ANKS1A: variants seen among roughly 807,000 people sequenced by gnomAD.
ANKS1A encodes ankyrin repeat and sterile alpha motif domain containing 1A, also known as ankyrin repeat and SAM domain-containing protein 1A.
In ANKS1A, 55 loss-of-function variants were observed where a neutral mutation model predicts 120.3. The ratio of observed to expected loss-of-function variants is 0.46; its 90% CI spans 0.37 to 0.57. ANKS1A has a LOEUF of 0.57. Ranked by LOEUF, ANKS1A falls within the 20% of genes least tolerant of loss-of-function variation. The pLI, the probability that ANKS1A is intolerant of heterozygous loss-of-function variation, is 0.00. For missense variants in ANKS1A, 1,123 were observed against 1,480.3 expected (o/e 0.76, Z 3.96); for synonymous variants, 590 against 604.7 (o/e 0.98, Z 0.36).
intron 5 of ANKS1A, 111 bp from the exon 6 acceptor site, chr6:34,983,002 T>G: frequency 7.8e-7 from 1 of 1,280,490 alleles, no homozygotes; most frequent in Non-Finnish European, 1.1e-6. Flanking sequence ...TGGCTCTGGA[T>G]GAAAAATGTT....
chr6:34,954,854 A>G (rs1467974721), intron 1 of ANKS1A, among the ~76,000 whole-genome samples: 2 of 152,054 alleles, frequency 1.3e-5, no homozygotes, highest in African/African-American at 4.8e-5. Flanking sequence ...TTTCCTCCAT[A>G]TTACTGATTG....
intron 9 of ANKS1A, among the ~76,000 whole-genome samples, chr6:34,993,466 C>T (rs1772682006): frequency 6.6e-6 from 1 of 152,250 alleles, no homozygotes; most frequent in South Asian, 2.1e-4. Flanking sequence ...TTAGGAATTT[C>T]TCAGTAGACA....
chr6:34,972,482 T>A (rs1771233215), intron 3 of ANKS1A: 1 of 445,610 alleles, frequency 2.2e-6, no homozygotes, highest in South Asian at 9.6e-5. Context: ...GAGGGCAGAT[T>A]CAAGTTGTTC....
chr6:35,079,399 C>G, intron 14 of ANKS1A, 117 bp from the exon 15 acceptor site: 1 of 1,339,862 alleles, frequency 7.5e-7, no homozygotes, highest in Non-Finnish European at 1.0e-6. Flanking sequence ...TGCTGAGGAC[C>G]CCAAACACAG....
intron 1 of ANKS1A, among the ~76,000 whole-genome samples, chr6:34,939,429 G>T (rs2127481501): frequency 6.6e-6 from 1 of 152,348 alleles, no homozygotes; most frequent in Non-Finnish European, 1.5e-5. Flanking sequence ...CATCTTAGTT[G>T]TGGTATGCAT....
intron 1 of ANKS1A, among the ~76,000 whole-genome samples, chr6:34,955,527 A>G (rs1185852682): frequency 6.6e-6 from 1 of 152,196 alleles, no homozygotes; most frequent in Non-Finnish European, 1.5e-5. Flanking sequence ...CTAGGCAGAT[A>G]CATCAGTTGA....
rs1489397540 is a variant in ANKS1A, at chr6:35,044,417, C to G, written c.2011-9682C>G. 6.6e-6 allele frequency among the ~76,000 whole-genome samples: 1 copy of G among 152,264 alleles called. No homozygotes were observed. The highest frequency in any genetic ancestry group is 2.4e-5 in the African/African-American group (1 of 41,476). On this transcript the variant is annotated intron_variant, in intron 11 of 23. Coordinates refer to ENST00000360359, the MANE Select transcript of ANKS1A (RefSeq NM_015245.3). This position sits in a 1 kb window ranked among gnomAD's most constrained non-coding sequence, Gnocchi z 4.4. ...TGATTCCACAGTCTCAGGCATTTCA[C>G]TACCTGCAGACTCTGCCCTGTGGGA...
At chr6:35,026,607 A>G (rs1253727660) in intron 11 of ANKS1A, among the ~76,000 whole-genome samples, 1 of 152,188 alleles carries the variant, frequency 6.6e-6, no homozygotes, top group Non-Finnish European at 1.5e-5. Flanking sequence ...GAGTCAGCCA[A>G]GGAAGGCCCC....
chr6:35,005,287 T>G (rs1325753704), intron 10 of ANKS1A, among the ~76,000 whole-genome samples: 3 of 152,216 alleles, frequency 2.0e-5, no homozygotes, highest in African/African-American at 7.2e-5. Context: ...TTTTCCACCA[T>G]GTTAAGCAAA....
At chr6:34,931,233 G>T (rs778247263) in intron 1 of ANKS1A, among the ~76,000 whole-genome samples, 12 of 150,228 alleles carry the variant, frequency 8.0e-5, no homozygotes, top group Non-Finnish European at 1.6e-4. Context: ...TGCAACCTTC[G>T]CCTCCCAGGC....
At chr6:34,959,188 G>T (rs1770515339) in intron 1 of ANKS1A, among the ~76,000 whole-genome samples, 1 of 152,230 alleles carries the variant, frequency 6.6e-6, no homozygotes, top group Non-Finnish European at 1.5e-5. Context: ...CTAACTTATG[G>T]TTCTTCTGTC....
At chr6:34,976,616 T>C (rs1771601764) in intron 3 of ANKS1A, among the ~76,000 whole-genome samples, 1 of 152,158 alleles carries the variant, frequency 6.6e-6, no homozygotes, top group Admixed American at 6.5e-5. Flanking sequence ...ACCTTTCTGG[T>C]TGCATTAGTA....
chr6:34,972,201 T>C (rs1771217903), intron 3 of ANKS1A, among the ~76,000 whole-genome samples: 2 of 152,146 alleles, frequency 1.3e-5, no homozygotes, highest in African/African-American at 4.8e-5. Context: ...CTTAACCTGC[T>C]CACAGCTGCC....
rs1766690501 is a variant in ANKS1A at position 34,889,544 on chromosome 6, G to GGCA, written c.144_145insAGC (p.Gly48_Gly49insSer). 4.9e-6 allele frequency: 6 copies of GGCA among 1,218,452 alleles called. No homozygotes were observed. In the East Asian group the frequency reaches 1.4e-4, roughly 28 times the overall value. The allele number at this position is 1,218,452 out of a possible 1,614,324, so 75.5% of individuals were successfully genotyped here. On this transcript the variant is annotated inframe_insertion, in exon 1 of 24. Transcript: ENST00000360359. This position sits in a 1 kb window ranked among gnomAD's most constrained non-coding sequence, Gnocchi z 5.5. ...CTCTGGGGGCGGCGGCGGCGGCAGC[G>GGCA]GCGGCGGCGGCGGCGGCCTCGGCTC...
At chr6:35,002,746 G>T (rs891930933) in intron 10 of ANKS1A, among the ~76,000 whole-genome samples, 3 of 151,726 alleles carry the variant, frequency 2.0e-5, no homozygotes, top group Non-Finnish European at 4.4e-5. Flanking sequence ...ATCATTTCTA[G>T]GTTCTAAAAG....
At position 35,082,326 on chromosome 6, in the gene ANKS1A, G is replaced by A. The variant is rs756509152; in HGVS notation, c.2710-365G>A. 3.3e-5 allele frequency among the ~76,000 whole-genome samples: 5 copies of A among 152,184 alleles called. No homozygotes were observed. Among genetic ancestry groups the A allele is most frequent in the Middle Eastern group, 3.4e-3 (1 of 294 alleles). On this transcript the variant is annotated intron_variant, in intron 17 of 23. Transcript: ENST00000360359. The surrounding 1 kb of genome is among the most constrained non-coding windows in gnomAD (Gnocchi z 4.1). ...CAAGGCGTCCCAGGGTCTCGTGGGC[G>A]CTGTTCTCTCCTTTGGTCTTTGTGC...
At chr6:35,033,857 A>G (rs1372820777) in intron 11 of ANKS1A, among the ~76,000 whole-genome samples, 1 of 152,160 alleles carries the variant, frequency 6.6e-6, no homozygotes, top group Non-Finnish European at 1.5e-5. Flanking sequence ...AGCAGGCTGG[A>G]TGTTGCAGCC....
chr6:35,001,534 A>G (rs1248748046), intron 10 of ANKS1A, among the ~76,000 whole-genome samples: 3 of 152,242 alleles, frequency 2.0e-5, no homozygotes, highest in African/African-American at 7.2e-5. Flanking sequence ...CTCAAAGTCC[A>G]GCACCCTGCG....
chr6:34,970,242 C>A, intron 3 of ANKS1A, 76 bp downstream of exon 3: 1 of 1,472,332 alleles, frequency 6.8e-7, no homozygotes, highest in Non-Finnish European at 9.1e-7. Context: ...ATCTTAGCCC[C>A]ATAGTTCAAA....
Sources: allele counts gnomAD v4.1 joint callset (sites outside exome capture counted in the v4.1 genomes callset), GRCh38; gene constraint gnomAD v4.1.1; non-coding constraint Gnocchi (gnomAD v3.1); transcripts MANE v1.5; gene names NCBI Gene and HGNC (gene_info 2026-07-23, HGNC 2026-07-21).